SLC45A1: variants seen among roughly 807,000 people sequenced by gnomAD.
SLC45A1 encodes solute carrier family 45 member 1, also known as proton-associated sugar transporter A.
A neutral mutation model predicts 57.6 loss-of-function variants in SLC45A1; 28 were observed. The observed-to-expected ratio is 0.49, with a 90% CI of 0.36 to 0.67. SLC45A1 has a LOEUF of 0.67. Ranked by LOEUF, SLC45A1 falls within the 30% of genes least tolerant of loss-of-function variation. SLC45A1 has a pLI of 0.00. For missense variants in SLC45A1, 814 were observed against 1,041.5 expected (o/e 0.78, Z 3.01); for synonymous variants, 459 against 471.5 (o/e 0.97, Z 0.34).
At chr1:8,334,585 C>T (rs1382116597) in intron 5 of SLC45A1, among the ~76,000 whole-genome samples, 2 of 152,114 alleles carry the variant, frequency 1.3e-5, no homozygotes, top group African/African-American at 4.8e-5. Context: ...CGCCTGTAGT[C>T]CCAGCTACTC....
At chr1:8,341,885 A>G (rs1226600757) in intron 8 of SLC45A1, among the ~76,000 whole-genome samples, 3 of 151,306 alleles carry the variant, frequency 2.0e-5, no homozygotes, top group Admixed American at 2.0e-4. Context: ...GCACCACTGC[A>G]CTCCAGCCTG....
At chr1:8,324,861 G>T in intron 2 of SLC45A1, 135 bp downstream of exon 2, 1 of 852,236 alleles carries the variant, frequency 1.2e-6, no homozygotes. Flanking sequence ...GGACTGTGGG[G>T]AACACAGGTA....
chr1:8,324,527 C>T lies in SLC45A1; in HGVS notation c.198C>T (p.Thr66=). The T allele has an allele frequency of 2.5e-6, 4 of 1,611,968 alleles. No individual in the cohort carries two copies. Among genetic ancestry groups the T allele is most frequent in the East Asian group, 2.2e-5 (1 of 44,810 alleles). The change falls in exon 2 of 9, where the codon ACC becomes ACT. Residue 66 remains threonine, a synonymous_variant. Coordinates refer to ENST00000471889, the MANE Select transcript of SLC45A1 (RefSeq NM_001080397.3). The part of the protein sequence containing the change: ...IRPSPPPPPN[T]PCPLELVDFG... ...CCTCCCCACCCCCGCCCCCCAACAC[C>T]CCGTGCCCGCTTGAGCTGGTGGACT...
At position 8,343,653 on chromosome 1, in the gene SLC45A1, G is replaced by A. The variant is rs987791148; in HGVS notation, c.1981-94G>A. The A allele has an allele frequency of 5.6e-6, 8 of 1,437,232 alleles. No individual in the cohort carries two copies. The highest frequency in any genetic ancestry group is 2.0e-5 in the Admixed American group (1 of 50,266). The allele number at this position is 1,437,232 out of a possible 1,614,324, so 89.0% of individuals were successfully genotyped here. A position where few individuals can be genotyped will look rare whatever the true frequency, so the allele number is the denominator to read the frequency against. On this transcript the variant is annotated intron_variant, in intron 8 of 8. Coordinates refer to ENST00000471889, the MANE Select transcript of SLC45A1 (RefSeq NM_001080397.3). The surrounding 1 kb of genome is among the most constrained non-coding windows in gnomAD (Gnocchi z 7.7). ...AATGTGAGGCCGCTGTGTGTGGGCC[G>A]CTCGGGCCTCCTGGGCTCGCAGGAC...
intron 6 of SLC45A1, among the ~76,000 whole-genome samples, chr1:8,336,409 CAAAA>C (rs1208792018): frequency 1.1e-5 from 1 of 92,846 alleles, no homozygotes. Flanking sequence ...GACTCCATCT[CAAAA>C]AAAAAAAAAA....
At chr1:8,338,827 C>T (rs1047654545) in intron 7 of SLC45A1, among the ~76,000 whole-genome samples, 2 of 152,148 alleles carry the variant, frequency 1.3e-5, no homozygotes, top group Admixed American at 6.5e-5. Flanking sequence ...ACTTCGCCTT[C>T]GATCCATAAT....
chr1:8,339,167 TC>T (rs1640720412), intron 7 of SLC45A1, among the ~76,000 whole-genome samples: 1 of 152,158 alleles, frequency 6.6e-6, no homozygotes, highest in Non-Finnish European at 1.5e-5. Context: ...AGACCCTCAG[TC>T]CCTGAGCCCC....
At chr1:8,324,112 G>A (rs896386446) in intron 1 of SLC45A1, among the ~76,000 whole-genome samples, 194 bp from the exon 2 acceptor site, 1 of 152,156 alleles carries the variant, frequency 6.6e-6, no homozygotes, top group Non-Finnish European at 1.5e-5. Context: ...AGTAGGGAAG[G>A]CACTGGGCTT....
At position 8,325,077 on chromosome 1, in the gene SLC45A1, G is replaced by A. The variant is rs1640154980; in HGVS notation, c.398-221G>A. Reference sequence around the variant, plus strand: ...AAAGTCGTGGCTGCTTAGGGCCTTAGGGTCCAAAGTGGAGGATTTAAGGAG... The same window carrying A: ...AAAGTCGTGGCTGCTTAGGGCCTTAAGGTCCAAAGTGGAGGATTTAAGGAG... On this transcript the variant is annotated intron_variant, in intron 2 of 8. Transcript: ENST00000471889. This position sits in a 1 kb window ranked among gnomAD's most constrained non-coding sequence, Gnocchi z 6.3. 6.6e-6 allele frequency among the ~76,000 whole-genome samples: 1 copy of A among 152,176 alleles called. No individual in the cohort carries two copies. The highest frequency in any genetic ancestry group is 1.5e-5 in the Non-Finnish European group (1 of 68,020).
rs6685844 is a variant in SLC45A1, at chr1:8,344,109, T to G, written c.*96T>G. ...AAAGGGCCTTGTTGGACAGGGGGACTGGCTGCCTACTGGAATGTAAATATG... is the reference window on the plus strand; with the variant it reads ...AAAGGGCCTTGTTGGACAGGGGGACGGGCTGCCTACTGGAATGTAAATATG... On this transcript the variant is annotated 3_prime_UTR_variant, in exon 9 of 9. Transcript: ENST00000471889. 42 of 1,195,088 alleles carry G rather than the reference T, an allele frequency of 3.5e-5. No individual in the cohort carries two copies. The highest frequency in any genetic ancestry group is 4.6e-5 in the Non-Finnish European group (40 of 862,398). The allele number at this position is 1,195,088 out of a possible 1,614,324, so 74.0% of individuals were successfully genotyped here.
intron 7 of SLC45A1, among the ~76,000 whole-genome samples, chr1:8,338,278 C>G (rs1640687133): frequency 6.6e-6 from 1 of 152,100 alleles, no homozygotes; most frequent in African/African-American, 2.4e-5. Flanking sequence ...AGTGGGGGGC[C>G]CTGGGGGAAC....
At chr1:8,329,915 A>G (rs965164959) in intron 4 of SLC45A1, among the ~76,000 whole-genome samples, 4 of 152,122 alleles carry the variant, frequency 2.6e-5, no homozygotes, top group Admixed American at 1.3e-4. Flanking sequence ...GGTTACGGGG[A>G]AAGTGGAACA....
Position 8,337,996 on chromosome 1 carries a change from C to T in SLC45A1, c.1774+4C>T. ...TTCAGTGCTGCCTTCTACTCAGGTA[C>T]CCGCTGCCAGCCAGGCTGGCACGGC... On this transcript the variant is annotated splice_donor_region_variant and intron_variant, in intron 7 of 8. Coordinates refer to ENST00000471889, the MANE Select transcript of SLC45A1 (RefSeq NM_001080397.3). 1 of 1,612,328 alleles carries T rather than the reference C, an allele frequency of 6.2e-7. No individual in the cohort carries two copies. The highest frequency in any genetic ancestry group is 8.5e-7 in the Non-Finnish European group (1 of 1,179,304).
Position 8,325,513 on chromosome 1 carries a change from C to T in SLC45A1, c.490+123C>T. On this transcript the variant is annotated intron_variant, in intron 3 of 8. Transcript: ENST00000471889. The surrounding 1 kb of genome is among the most constrained non-coding windows in gnomAD (Gnocchi z 6.3). ...TTACCCAGATAGCTCTGGGCCCGCA[C>T]TGGTGTGAGGCAGGGAGTGCCCCGC... 1 of 718,340 alleles carries T rather than the reference C, an allele frequency of 1.4e-6. No individual in the cohort carries two copies. The highest frequency in any genetic ancestry group is 2.4e-6 in the Non-Finnish European group (1 of 421,720). 44.5% of individuals were successfully genotyped at this position (718,340 alleles called of 1,614,324 possible).
intron 1 of SLC45A1, among the ~76,000 whole-genome samples, chr1:8,323,868 GGTTCCT>G (rs1640110285): frequency 6.6e-6 from 1 of 152,148 alleles, no homozygotes; most frequent in African/African-American, 2.4e-5. Flanking sequence ...CCGGGGGGGT[GGTTCCT>G]AACCATGCCC....
At chr1:8,331,651 A>G (rs900097954) in intron 5 of SLC45A1, among the ~76,000 whole-genome samples, 3 of 152,144 alleles carry the variant, frequency 2.0e-5, no homozygotes, top group African/African-American at 7.2e-5. Flanking sequence ...AGAAAAAGAA[A>G]AGACAAGCCT....
In SLC45A1 at chr1:8,320,754, G is replaced by A. The variant is rs1639988379; in HGVS notation, c.-25+2568G>A. 2.7e-5 allele frequency among the ~76,000 whole-genome samples: 4 copies of A among 150,846 alleles called. No homozygotes were observed. In the East Asian group the frequency reaches 7.8e-4, roughly 29 times the overall value. ...ACACACCTGCCATATGCTGTTTAAA[G>A]CTGAAGTTTTTCCAAACTGGGCCAC... On this transcript the variant is annotated intron_variant, in intron 1 of 8. Transcript: ENST00000471889.
chr1:8,340,940 C>T (rs1482644895), intron 8 of SLC45A1, among the ~76,000 whole-genome samples: 2 of 152,060 alleles, frequency 1.3e-5, no homozygotes, highest in East Asian at 3.9e-4. Context: ...CACCTGTAGT[C>T]CCAGGTACTT....
In SLC45A1 at chr1:8,344,040, G is replaced by C. The variant is rs374726148; in HGVS notation, c.*27G>C. ...ATCGCGGAGCCTCGACTCCGGACAC[G>C]CGCCTGCACCTGGGGGTCTGGAGCA... On this transcript the variant is annotated 3_prime_UTR_variant, in exon 9 of 9. Coordinates refer to ENST00000471889, the MANE Select transcript of SLC45A1 (RefSeq NM_001080397.3). 6.3e-7 allele frequency: 1 copy of C among 1,582,270 alleles called. No homozygotes were observed. Among genetic ancestry groups the C allele is most frequent in the African/African-American group, 1.3e-5 (1 of 74,280 alleles).
Sources: allele counts gnomAD v4.1 joint callset (sites outside exome capture counted in the v4.1 genomes callset), GRCh38; gene constraint gnomAD v4.1.1; non-coding constraint Gnocchi (gnomAD v3.1); transcripts MANE v1.5; gene names NCBI Gene and HGNC (gene_info 2026-07-23, HGNC 2026-07-21).